Variants in ANKRD44 observed in about 807,000 individuals in gnomAD.
The protein encoded by ANKRD44 is serine/threonine-protein phosphatase 6 regulatory ankyrin repeat subunit B.
A neutral mutation model predicts 116.0 loss-of-function variants in ANKRD44; 35 were observed. That is an observed-to-expected ratio of 0.30 (90% CI 0.23 to 0.40). The LOEUF (loss-of-function observed/expected upper bound fraction) is 0.40, where lower values mean the gene tolerates loss of function less well. ANKRD44 is among the 10% of genes least tolerant of loss of function. The probability of loss-of-function intolerance (pLI) is 1.00; values close to 1 mark genes in which losing one functional copy is unlikely to be tolerated. For missense variants in ANKRD44, 1,014 were observed against 1,242.6 expected, an observed-to-expected ratio of 0.82 and a Z score of 2.77; for synonymous variants, 435 against 461.8, an observed-to-expected ratio of 0.94 and a Z score of 0.74.
In ANKRD44 at chr2:197,121,512, C is replaced by T. The variant is rs749845898; in HGVS notation, c.726G>A (p.Ala242=). 12 of 1,614,042 alleles carry T rather than the reference C, an allele frequency of 7.4e-6. No individual in the cohort carries two copies. Among genetic ancestry groups the T allele is most frequent in the East Asian group, 2.2e-5 (1 of 44,892 alleles). ...GTCCATTGTAGCAGGCGATGTGAAG[C>T]GCTGTATTTCCATAGACATTGATTT... The part of the protein sequence containing the change: ...IDEINVYGNT[A]LHIACYNGQD... Residue 242 remains alanine, a synonymous_variant, in exon 8 of 28, where the codon GCG becomes GCA. Transcript: ENST00000282272.
Position 197,081,718 on chromosome 2 carries a change from T to C in ANKRD44, c.1465A>G (p.Ile489Val), listed in dbSNP as rs781511981. 1 of 1,613,344 alleles carries C rather than the reference T, an allele frequency of 6.2e-7. No individual in the cohort carries two copies. Among genetic ancestry groups the C allele is most frequent in the Admixed American group, 1.7e-5 (1 of 59,984 alleles). ...AASDMDRNKT[I>V]LGNAHDNSEE... ...GAATTATCATGGGCATTTCCTAAGA[T>C]AGTCTTACTTCTCAGCATAAAGGAT... The change falls in exon 15 of 28, where the codon ATC becomes GTC. Residue 489 changes from isoleucine to valine, a missense_variant. Transcript: ENST00000282272.
intron 1 of ANKRD44, among the ~76,000 whole-genome samples, chr2:197,294,470 C>T (rs1260612696): frequency 6.6e-6 from 1 of 152,068 alleles, no homozygotes; most frequent in African/African-American, 2.4e-5. Context: ...TTCATAATAA[C>T]TCAAATGACT....
At chr2:197,138,675 T>C (rs543756577) in intron 3 of ANKRD44, among the ~76,000 whole-genome samples, 5 of 152,296 alleles carry the variant, frequency 3.3e-5, no homozygotes, top group African/African-American at 1.2e-4. Context: ...AATAAATATA[T>C]GTATGACCAC....
At chr2:197,234,540 C>A (rs1417562215) in intron 1 of ANKRD44, among the ~76,000 whole-genome samples, 1 of 152,164 alleles carries the variant, frequency 6.6e-6, no homozygotes, top group Admixed American at 6.5e-5. Flanking sequence ...TGGGATCATG[C>A]TTTACGAATT....
At chr2:197,045,207 T>C (rs2076980849) in intron 16 of ANKRD44, among the ~76,000 whole-genome samples, 1 of 152,146 alleles carries the variant, frequency 6.6e-6, no homozygotes. Context: ...GAGCTCTTCT[T>C]TTTATCCTTT....
At chr2:197,272,380 G>GGA (rs1345732480) in intron 1 of ANKRD44, among the ~76,000 whole-genome samples, 7 of 152,156 alleles carry the variant, frequency 4.6e-5, no homozygotes, top group Non-Finnish European at 8.8e-5. Flanking sequence ...TGGGACTACA[G>GGA]GCACGTGCCA....
intron 2 of ANKRD44, among the ~76,000 whole-genome samples, chr2:197,168,210 G>A (rs2080143525): frequency 6.6e-6 from 1 of 152,196 alleles, no homozygotes; most frequent in South Asian, 2.1e-4. Flanking sequence ...ACAGAACAGA[G>A]AAAAGCTATC....
chr2:197,233,870 A>G (rs565006128), intron 1 of ANKRD44, among the ~76,000 whole-genome samples: 2 of 152,350 alleles, frequency 1.3e-5, no homozygotes, highest in South Asian at 4.1e-4. Context: ...TAGCCAAATA[A>G]TACCTAAATA....
chr2:197,099,348 T>C (rs953222652), intron 10 of ANKRD44: 1 of 221,990 alleles, frequency 4.5e-6, no homozygotes, highest in Non-Finnish European at 7.6e-6. Context: ...CCAGCATAGA[T>C]GCTTTATGTA....
chr2:197,202,292 C>T (rs569784389), intron 1 of ANKRD44, among the ~76,000 whole-genome samples: 14 of 151,904 alleles, frequency 9.2e-5, no homozygotes, highest in Admixed American at 2.6e-4. Context: ...TGTTACATAA[C>T]GGAGGGCAAG....
At chr2:197,294,414 C>T (rs1464199801) in intron 1 of ANKRD44, among the ~76,000 whole-genome samples, 2 of 152,050 alleles carry the variant, frequency 1.3e-5, no homozygotes, top group African/African-American at 2.4e-5. Context: ...GTTCAAGGTG[C>T]CCATCTTCAT....
chr2:197,219,519 C>CA (rs1056996096), intron 1 of ANKRD44, among the ~76,000 whole-genome samples: 240 of 150,694 alleles, frequency 1.6e-3, no homozygotes, highest in African/African-American at 5.1e-3. Context: ...TACTTGCGTC[C>CA]AAAAAAAAAT....
At chr2:196,973,022 T>C (rs746673616) in intron 21 of ANKRD44, among the ~76,000 whole-genome samples, 71 of 152,164 alleles carry the variant, frequency 4.7e-4, no homozygotes, top group Non-Finnish European at 8.8e-4. Context: ...ATTGCTATCT[T>C]AGATTTGATG....
At chr2:197,137,853 C>T (rs1317428520) in intron 3 of ANKRD44, among the ~76,000 whole-genome samples, 1 of 152,146 alleles carries the variant, frequency 6.6e-6, no homozygotes, top group African/African-American at 2.4e-5. Context: ...TCCACTAACA[C>T]CAGCTTGCCT....
At chr2:197,163,897 G>C (rs899633806) in intron 2 of ANKRD44, among the ~76,000 whole-genome samples, 4 of 152,206 alleles carry the variant, frequency 2.6e-5, no homozygotes, top group Non-Finnish European at 5.9e-5. Flanking sequence ...CAAAGTGCTA[G>C]AATTACAGGC....
chr2:197,147,765 G>A, intron 2 of ANKRD44: 1 of 388,064 alleles, frequency 2.6e-6, no homozygotes, highest in Non-Finnish European at 5.1e-6. Context: ...ATACACATGA[G>A]ATTATTTCAG....
At chr2:197,015,367 A>G in intron 17 of ANKRD44, 1 of 568,936 alleles carries the variant, frequency 1.8e-6, no homozygotes, top group Non-Finnish European at 3.1e-6. Flanking sequence ...GAAGACAGGC[A>G]GATTGGAAAA....
chr2:197,088,642 ACAACTTAAGT>A (rs2077977983), intron 12 of ANKRD44, 59 bp downstream of exon 12: 6 of 969,038 alleles, frequency 6.2e-6, no homozygotes, highest in Admixed American at 3.6e-5. Flanking sequence ...TGATTCACAG[ACAACTTAAGT>A]CAAGTCAATA....
chr2:197,262,730 C>T (rs556078514), intron 1 of ANKRD44, among the ~76,000 whole-genome samples: 1 of 152,022 alleles, frequency 6.6e-6, no homozygotes, highest in Non-Finnish European at 1.5e-5. Context: ...ATGGTGAAAC[C>T]CTGTCTCTAA....
Sources: gnomAD v4.1 joint callset for allele counts (sites outside exome capture counted in the v4.1 genomes callset) on GRCh38, gnomAD v4.1.1 for gene constraint, MANE v1.5 for transcripts, NCBI Gene and HGNC (gene_info 2026-07-23, HGNC 2026-07-21) for gene names.